ZNF710: variants seen among roughly 807,000 people sequenced by gnomAD.
The protein encoded by ZNF710 is zinc finger protein 710.
In ZNF710, 13 loss-of-function variants were observed where a neutral mutation model predicts 50.6. The observed-to-expected ratio is 0.26, with a 90% CI of 0.17 to 0.41. The LOEUF is 0.41. Ranked by LOEUF, ZNF710 falls within the 10% of genes least tolerant of loss-of-function variation. The pLI, the probability that ZNF710 is intolerant of heterozygous loss-of-function variation, is 1.00. For missense variants in ZNF710, 721 were observed against 936.6 expected (o/e 0.77, Z 3.01); for synonymous variants, 383 against 397.0 (o/e 0.96, Z 0.42).
intron 4 of ZNF710, among the ~76,000 whole-genome samples, chr15:90,077,275 G>C (rs1900615031): frequency 9.1e-6 from 1 of 110,060 alleles, no homozygotes; most frequent in Non-Finnish European, 1.7e-5. Flanking sequence ...ACGGAGTCTT[G>C]CTCTTTCACC....
At chr15:90,032,731 T>C (rs1343214855) in intron 1 of ZNF710, among the ~76,000 whole-genome samples, 1 of 148,868 alleles carries the variant, frequency 6.7e-6, no homozygotes, top group African/African-American at 2.5e-5. Flanking sequence ...TGAGCTGAGA[T>C]TGTGCTACTG....
At chr15:90,026,260 C>CAAA (rs1303807061) in intron 1 of ZNF710, among the ~76,000 whole-genome samples, 9 of 40,790 alleles carry the variant, frequency 2.2e-4, no homozygotes, top group Non-Finnish European at 2.1e-4. Context: ...AAAACAACAA[C>CAAA]AACAACAACA....
In ZNF710 at chr15:90,080,918, A is replaced by T. The variant is rs1199520293; in HGVS notation, c.*1089A>T. 3 of 151,806 alleles carry T rather than the reference A, an allele frequency of 2.0e-5. No individual in the cohort carries two copies. Among genetic ancestry groups the T allele is most frequent in the Admixed American group, 1.3e-4 (2 of 15,240 alleles). The allele number at this position is 151,806 out of a possible 1,614,324, so 9.4% of individuals were successfully genotyped here. ...TCACCTATGACCTTTTCTGATGGAG[A>T]TGCATTTTCTTTTTCCAAGCGTAAG... On this transcript the variant is annotated 3_prime_UTR_variant, in exon 5 of 5. Coordinates refer to ENST00000268154, the MANE Select transcript of ZNF710 (RefSeq NM_198526.4).
In ZNF710 at chr15:90,059,660, G is replaced by A. The variant is rs1249970339; in HGVS notation, c.-28-7450G>A. On this transcript the variant is annotated intron_variant, in intron 1 of 4. Coordinates refer to ENST00000268154, the MANE Select transcript of ZNF710 (RefSeq NM_198526.4). This position sits in a 1 kb window ranked among gnomAD's most constrained non-coding sequence, Gnocchi z 4.1. Reference sequence around the variant, plus strand: ...CCCCCGTGCCGGCGGCAGCTCCCTGGGCCTCTGGCTCCTGAGGCCTGTGGG... The same window carrying A: ...CCCCCGTGCCGGCGGCAGCTCCCTGAGCCTCTGGCTCCTGAGGCCTGTGGG... Among the ~76,000 whole-genome samples the A allele has an allele frequency of 6.6e-6, 1 of 152,208 alleles. No homozygotes were observed. Among genetic ancestry groups the A allele is most frequent in the Non-Finnish European group, 1.5e-5 (1 of 68,022 alleles).
intron 1 of ZNF710, among the ~76,000 whole-genome samples, chr15:90,065,075 C>G (rs1406440230): frequency 1.3e-5 from 2 of 152,164 alleles, no homozygotes; most frequent in African/African-American, 2.4e-5. Context: ...TGCACCCTGA[C>G]CCCCCAGGCC....
chr15:90,012,290 A>ATTTTTTTTTT (rs1026567607), intron 1 of ZNF710, among the ~76,000 whole-genome samples: 48 of 94,560 alleles, frequency 5.1e-4, no homozygotes, highest in East Asian at 6.5e-4. Flanking sequence ...TTGAGTGTGC[A>ATTTTTTTTTT]TTTTTTTTTT....
chr15:90,042,506 C>A (rs1014196874), intron 1 of ZNF710, among the ~76,000 whole-genome samples: 2 of 152,138 alleles, frequency 1.3e-5, no homozygotes, highest in African/African-American at 4.8e-5. Context: ...ATCAATCAAT[C>A]AATAAACCAA....
chr15:90,061,645 C>T lies in ZNF710; in HGVS notation c.-28-5465C>T, dbSNP rs1290734525. Among the ~76,000 whole-genome samples, 46 of 152,194 alleles carry T rather than the reference C, an allele frequency of 3.0e-4. 1 individual carries two copies. Among genetic ancestry groups the T allele is most frequent in the Non-Finnish European group, 5.9e-5 (4 of 68,034 alleles). ...TCTGTGTCCCAAGGGACACCAGCCA[C>T]CCTGATCCCACCCGACCCTCCTCTG... is the stretch of plus-strand genomic sequence containing the variant. On this transcript the variant is annotated intron_variant, in intron 1 of 4. Coordinates refer to ENST00000268154, the MANE Select transcript of ZNF710 (RefSeq NM_198526.4).
At chr15:90,046,959 C>G (rs1392240450) in intron 1 of ZNF710, among the ~76,000 whole-genome samples, 3 of 152,204 alleles carry the variant, frequency 2.0e-5, no homozygotes, top group Non-Finnish European at 4.4e-5. Context: ...CCTGGCCCCA[C>G]CTGCTTCTCA....
chr15:90,026,927 A>T (rs1268860853), intron 1 of ZNF710, among the ~76,000 whole-genome samples: 2 of 152,194 alleles, frequency 1.3e-5, no homozygotes, highest in Non-Finnish European at 1.5e-5. Flanking sequence ...ATTAACTTAA[A>T]CACTAGAGGC....
intron 1 of ZNF710, among the ~76,000 whole-genome samples, chr15:90,023,471 G>A: frequency 6.6e-6 from 1 of 152,222 alleles, no homozygotes; most frequent in Non-Finnish European, 1.5e-5. Context: ...CCACTGCATG[G>A]AGCAGCAGGT....
rs1899030270 is a variant in ZNF710, at chr15:90,034,075, G to A, written c.-29+32461G>A. Among the ~76,000 whole-genome samples the A allele has an allele frequency of 6.6e-6, 1 of 152,126 alleles. No homozygotes were observed. Among genetic ancestry groups the A allele is most frequent in the South Asian group, 2.1e-4 (1 of 4,830 alleles). On this transcript the variant is annotated intron_variant, in intron 1 of 4. Transcript: ENST00000268154. The surrounding 1 kb of genome is among the most constrained non-coding windows in gnomAD (Gnocchi z 4.0). ...AAATTAGCTGGGCGTGGTAGCAGCT[G>A]TAGTCCCAGCTACTCGGGAGGCTGA...
chr15:90,070,303 T>C (rs569699106), intron 2 of ZNF710, among the ~76,000 whole-genome samples: 1 of 151,622 alleles, frequency 6.6e-6, no homozygotes, highest in Admixed American at 6.6e-5. Context: ...GAGGCTATGA[T>C]TGCTCCTATT....
chr15:90,024,809 G>A (rs552322160), intron 1 of ZNF710: 2 of 152,350 alleles, frequency 1.3e-5, no homozygotes, highest in South Asian at 2.1e-4. Flanking sequence ...CTGAGCTGCC[G>A]GTGTTGGGGT....
At chr15:90,047,248 T>A (rs968578091) in intron 1 of ZNF710, among the ~76,000 whole-genome samples, 6 of 152,222 alleles carry the variant, frequency 3.9e-5, no homozygotes, top group African/African-American at 1.2e-4. Flanking sequence ...CTCCCGTAAC[T>A]AACGTGTGGC....
chr15:90,063,013 C>T (rs1900058779), intron 1 of ZNF710, among the ~76,000 whole-genome samples: 1 of 152,144 alleles, frequency 6.6e-6, no homozygotes, highest in Non-Finnish European at 1.5e-5. Flanking sequence ...CCCAGGTGGG[C>T]AGTGGCTCAA....
upstream of ZNF710, among the ~76,000 whole-genome samples, chr15:90,000,253 C>T (rs1465053217): frequency 6.6e-6 from 1 of 152,228 alleles, no homozygotes; most frequent in East Asian, 1.9e-4. Flanking sequence ...TTCCTGGCGG[C>T]ACTGCCCGGC....
chr15:90,003,617 G>A (rs1898069674), intron 1 of ZNF710, among the ~76,000 whole-genome samples: 1 of 152,224 alleles, frequency 6.6e-6, no homozygotes, highest in Non-Finnish European at 1.5e-5. Context: ...ATAAGAGACA[G>A]TGTATTCCTA....
chr15:90,067,096 T>C lies in ZNF710; in HGVS notation c.-28-14T>C, dbSNP rs1900191041. ...GTGAGCCAGCAATATTAACCTTCCC[T>C]TCTCCACCCACAGCGATGCCCTCCT... On this transcript the variant is annotated splice_polypyrimidine_tract_variant and intron_variant, in intron 1 of 4. Coordinates refer to ENST00000268154, the MANE Select transcript of ZNF710 (RefSeq NM_198526.4). The surrounding 1 kb of genome is among the most constrained non-coding windows in gnomAD (Gnocchi z 8.1). 6.5e-7 allele frequency: 1 copy of C among 1,546,564 alleles called. No homozygotes were observed. The highest frequency in any genetic ancestry group is 8.7e-7 in the Non-Finnish European group (1 of 1,145,898).
Sources: allele counts gnomAD v4.1 joint callset (sites outside exome capture counted in the v4.1 genomes callset), GRCh38; gene constraint gnomAD v4.1.1; non-coding constraint Gnocchi (gnomAD v3.1); transcripts MANE v1.5; gene names NCBI Gene and HGNC (gene_info 2026-07-23, HGNC 2026-07-21).